Variants in SYCP1 observed in about 807,000 individuals in gnomAD.
SYCP1 encodes synaptonemal complex protein 1, also known as cancer/testis antigen 8.
In SYCP1, 64 loss-of-function variants were observed where a neutral mutation model predicts 153.1. That is an observed-to-expected ratio of 0.42 (90% CI 0.34 to 0.51). The LOEUF (loss-of-function observed/expected upper bound fraction) is 0.51. SYCP1 is among the 20% of genes least tolerant of loss of function. SYCP1 has a pLI of 0.06. For missense variants in SYCP1, 997 were observed against 1,049.0 expected, an observed-to-expected ratio of 0.95 and a Z score of 0.68; for synonymous variants, 384 against 341.8, an observed-to-expected ratio of 1.12 and a Z score of -1.36.
At chr1:114,949,561 A>C (rs550512840) in intron 27 of SYCP1, among the ~76,000 whole-genome samples, 1 of 152,212 alleles carries the variant, frequency 6.6e-6, no homozygotes, top group Non-Finnish European at 1.5e-5. Context: ...TAAGGGAGAC[A>C]GGAAGGTAGG....
At chr1:114,960,622 C>G (rs975984998) in intron 27 of SYCP1, among the ~76,000 whole-genome samples, 1 of 152,120 alleles carries the variant, frequency 6.6e-6, no homozygotes, top group Non-Finnish European at 1.5e-5. Flanking sequence ...AAGATGATAT[C>G]TCATTGTAGT....
rs535715898 is a variant in SYCP1 at position 114,974,946 on chromosome 1, A to C, written c.2323-2611A>C. 5.3e-5 allele frequency among the ~76,000 whole-genome samples: 8 copies of C among 151,966 alleles called. No individual in the cohort carries two copies. In the South Asian group the frequency reaches 1.7e-3, roughly 32 times the overall value. ...ACTGTACCATTTGACATTCCCACAC[A>C]GCAGTGCATAAGGATTCTAATTTCT... On this transcript the variant is annotated intron_variant, in intron 27 of 31. Coordinates refer to ENST00000369522, the MANE Select transcript of SYCP1 (RefSeq NM_003176.4).
intron 27 of SYCP1, among the ~76,000 whole-genome samples, chr1:114,971,820 G>A (rs1045634983): frequency 1.3e-5 from 2 of 152,036 alleles, no homozygotes; most frequent in South Asian, 2.1e-4. Flanking sequence ...TGGTTTGCTC[G>A]TATTTTTTGA....
intron 16 of SYCP1, among the ~76,000 whole-genome samples, chr1:114,906,190 C>T (rs1436832781): frequency 6.6e-6 from 1 of 152,054 alleles, no homozygotes; most frequent in Non-Finnish European, 1.5e-5. Context: ...TGGTCTCGAA[C>T]TCCTGACCTC....
chr1:114,944,482 C>T (rs753900247), intron 24 of SYCP1, 27 bp downstream of exon 24: 1 of 1,231,454 alleles, frequency 8.1e-7, no homozygotes, highest in Non-Finnish European at 1.1e-6. Context: ...GTATTAAGAA[C>T]TTATTATACT....
chr1:114,872,750 G>T (rs1665237849), intron 8 of SYCP1, among the ~76,000 whole-genome samples: 1 of 151,978 alleles, frequency 6.6e-6, no homozygotes, highest in African/African-American at 2.4e-5. Context: ...TGAGGTTTCT[G>T]TTGAAATATC....
chr1:114,917,206 G>T (rs886403475), intron 20 of SYCP1, among the ~76,000 whole-genome samples: 12 of 151,908 alleles, frequency 7.9e-5, no homozygotes, highest in African/African-American at 2.7e-4. Flanking sequence ...TTCAATTGTT[G>T]TAACTTTAGC....
intron 27 of SYCP1, among the ~76,000 whole-genome samples, chr1:114,971,244 T>C (rs945523568): frequency 6.6e-6 from 1 of 152,176 alleles, no homozygotes; most frequent in Non-Finnish European, 1.5e-5. Flanking sequence ...GTTAGGCGTT[T>C]CTGAGCTCAG....
intron 8 of SYCP1, among the ~76,000 whole-genome samples, chr1:114,866,891 G>A (rs1407411331): frequency 2.7e-5 from 4 of 148,692 alleles, no homozygotes; most frequent in African/African-American, 9.8e-5. Flanking sequence ...TGTAAGATCT[G>A]TGTCCAGATT....
chr1:114,985,920 A>T (rs1285327566), intron 30 of SYCP1, among the ~76,000 whole-genome samples: 3 of 151,848 alleles, frequency 2.0e-5, no homozygotes, highest in South Asian at 2.1e-4. Context: ...TTGAAAAAAA[A>T]AAAAATAAAT....
chr1:114,888,138 A>G (rs1666441041), intron 15 of SYCP1, among the ~76,000 whole-genome samples: 1 of 152,202 alleles, frequency 6.6e-6, no homozygotes, highest in African/African-American at 2.4e-5. Context: ...AAATTCAACA[A>G]CTTTCATGGC....
intron 30 of SYCP1, among the ~76,000 whole-genome samples, chr1:114,990,933 C>T (rs982802398): frequency 6.6e-6 from 1 of 151,904 alleles, no homozygotes; most frequent in Non-Finnish European, 1.5e-5. Context: ...CACAGGGTGG[C>T]ACACCCAAGA....
chr1:114,912,861 T>C (rs970346008), intron 18 of SYCP1, among the ~76,000 whole-genome samples, 172 bp from the exon 19 acceptor site: 4 of 151,994 alleles, frequency 2.6e-5, no homozygotes, highest in African/African-American at 9.7e-5. Context: ...AGGAATAATG[T>C]AATGATCAAC....
intron 27 of SYCP1, among the ~76,000 whole-genome samples, chr1:114,976,103 T>C (rs1165576589): frequency 3.3e-5 from 5 of 151,836 alleles, no homozygotes; most frequent in Non-Finnish European, 7.4e-5. Flanking sequence ...TTAGTTGATG[T>C]GCAATTACCC....
chr1:114,885,620 A>G lies in SYCP1; in HGVS notation c.996A>G (p.Gln332=). ...TAGAAGATATTAAAGTGTCATTACA[A>G]AGAAGTGTGGTATGATTTAAAAACT... ...KELEDIKVSL[Q]RSVSTQKALE... Residue 332 remains glutamine, a synonymous_variant, in exon 13 of 32, where the codon CAA becomes CAG. Transcript: ENST00000369522. 1 of 1,566,302 alleles carries G rather than the reference A, an allele frequency of 6.4e-7. No homozygotes were observed. The highest frequency in any genetic ancestry group is 1.2e-5 in the South Asian group (1 of 85,550).
intron 13 of SYCP1, 120 bp from the exon 14 acceptor site, chr1:114,886,005 G>T: frequency 1.6e-6 from 1 of 615,428 alleles, no homozygotes; most frequent in Non-Finnish European, 2.6e-6. Context: ...TAGGAAGGAG[G>T]AATAATAGGA....
chr1:114,948,232 AT>A (rs978674852), intron 27 of SYCP1, among the ~76,000 whole-genome samples: 1 of 151,720 alleles, frequency 6.6e-6, no homozygotes, highest in African/African-American at 2.4e-5. Flanking sequence ...GACAAATACT[AT>A]TTTTTTTGGT....
chr1:114,886,380 AT>A, intron 14 of SYCP1, 71 bp downstream of exon 14: 1 of 1,329,864 alleles, frequency 7.5e-7, no homozygotes, highest in South Asian at 1.8e-5. Context: ...ATTCAATGCC[AT>A]TTTCTTTGCA....
At chr1:114,889,252 C>T (rs1666528770) in intron 15 of SYCP1, among the ~76,000 whole-genome samples, 1 of 152,192 alleles carries the variant, frequency 6.6e-6, no homozygotes, top group African/African-American at 2.4e-5. Flanking sequence ...AATGGTATTT[C>T]TAGTTCTAGA....
Sources: allele counts gnomAD v4.1 joint callset (sites outside exome capture counted in the v4.1 genomes callset), GRCh38; gene constraint gnomAD v4.1.1; transcripts MANE v1.5; gene names NCBI Gene and HGNC (gene_info 2026-07-23, HGNC 2026-07-21).